The following POSTN variants were observed in gnomAD, a reference collection of about 807,000 sequenced individuals.
The protein encoded by POSTN is osteoblast specific factor 2 (fasciclin I-like).
A neutral mutation model predicts 104.5 loss-of-function variants in POSTN; 71 were observed. The ratio of observed to expected loss-of-function variants is 0.68; its 90% CI spans 0.56 to 0.83. The LOEUF (loss-of-function observed/expected upper bound fraction) is 0.83, where lower values mean the gene tolerates loss of function less well. Ranked by LOEUF, POSTN falls within the 40% of genes least tolerant of loss-of-function variation. POSTN has a pLI of 0.00. For synonymous variants in POSTN, 355 were observed against 340.7 expected, an observed-to-expected ratio of 1.04 and a Z score of -0.46; for missense variants, 949 against 1,006.8, an observed-to-expected ratio of 0.94 and a Z score of 0.78.
chr13:37,594,847 G>T (rs1201679394), intron 2 of POSTN, among the ~76,000 whole-genome samples: 1 of 152,092 alleles, frequency 6.6e-6, no homozygotes, highest in African/African-American at 2.4e-5. Flanking sequence ...CAAGCAGATG[G>T]CAGACCAGTC....
intron 5 of POSTN, among the ~76,000 whole-genome samples, chr13:37,587,557 A>C (rs1950785847): frequency 6.6e-6 from 1 of 152,154 alleles, no homozygotes; most frequent in Admixed American, 6.5e-5. Context: ...TTTCAAACAT[A>C]TCAACTACTA....
chr13:37,577,750 T>A lies in POSTN; in HGVS notation c.2008+3A>T. 6.2e-7 allele frequency: 1 copy of A among 1,612,984 alleles called. No individual in the cohort carries two copies. The highest frequency in any genetic ancestry group is 8.5e-7 in the Non-Finnish European group (1 of 1,179,338). ...AGGTGGCCAATATTTATTATATACT[T>A]ACTATAGACAGTCACGGGGATTTCT... On this transcript the variant is annotated splice_donor_region_variant and intron_variant, in intron 16 of 22. Transcript: ENST00000379747.
intron 5 of POSTN, among the ~76,000 whole-genome samples, chr13:37,587,229 A>C (rs2138332945): frequency 6.6e-6 from 1 of 152,340 alleles, no homozygotes; most frequent in Admixed American, 6.5e-5. Context: ...AAATAGTCAT[A>C]AACTTTTTAA....
At position 37,563,298 on chromosome 13, in the gene POSTN, G is replaced by T. The variant is rs781234034; in HGVS notation, c.*35C>A. ...TTCTAAGGTCAGGTTATTGACTTAG[G>T]GTTGTATAAACATTTTTTTCTGGTT... On this transcript the variant is annotated 3_prime_UTR_variant, in exon 23 of 23. Transcript: ENST00000379747. 6 of 1,505,430 alleles carry T rather than the reference G, an allele frequency of 4.0e-6. No individual in the cohort carries two copies. The African/African-American group carries it at 8.3e-5, about 21-fold the overall frequency. The allele number at this position is 1,505,430 out of a possible 1,614,324, so 93.3% of individuals were successfully genotyped here.
Position 37,564,505 on chromosome 13 carries a change from G to A in POSTN, c.2473+14C>T, listed in dbSNP as rs750225625. Reference sequence around the variant, plus strand: ...GAGGCCATATACACACATTACTATAGCCAATACACTTACCTTGAACTTTTT... The same window carrying A: ...GAGGCCATATACACACATTACTATAACCAATACACTTACCTTGAACTTTTT... On this transcript the variant is annotated intron_variant, in intron 22 of 22. Transcript: ENST00000379747. 6.5e-7 allele frequency: 1 copy of A among 1,526,826 alleles called. No homozygotes were observed. The highest frequency in any genetic ancestry group is 1.1e-5 in the South Asian group (1 of 87,950). 94.6% of individuals were successfully genotyped at this position (1,526,826 alleles called of 1,614,324 possible).
Position 37,562,605 on chromosome 13 carries a change from T to C in POSTN, c.*728A>G, listed in dbSNP as rs1370487539. ...ACTAATTTCATTCAATTTCCTTTAA[T>C]GAGTACTTGTTACAGTAAAAGAGGT... On this transcript the variant is annotated 3_prime_UTR_variant, in exon 23 of 23. Transcript: ENST00000379747. 6.6e-6 allele frequency: 1 copy of C among 152,208 alleles called. No individual in the cohort carries two copies. Among genetic ancestry groups the C allele is most frequent in the Non-Finnish European group, 1.5e-5 (1 of 68,040 alleles). The allele number at this position is 152,208 out of a possible 1,614,324, so 9.4% of individuals were successfully genotyped here.
intron 21 of POSTN, among the ~76,000 whole-genome samples, chr13:37,566,230 G>T (rs905677298): frequency 2.6e-5 from 4 of 152,168 alleles, no homozygotes; most frequent in African/African-American, 9.6e-5. Flanking sequence ...AGCAAAACAT[G>T]GGAAGATAAA....
Position 37,580,697 on chromosome 13 carries a change from C to A in POSTN, c.1393G>T (p.Ala465Ser). 2 of 1,613,916 alleles carry A rather than the reference C, an allele frequency of 1.2e-6. No homozygotes were observed. The highest frequency in any genetic ancestry group is 1.7e-6 in the Non-Finnish European group (2 of 1,179,922). Residue 465 changes from alanine (A) to serine (S), a missense_variant and splice_region_variant, in exon 11 of 23, where the codon GCT becomes TCT. Physicochemically the swap from Ala to Ser is moderately conservative, Grantham distance 99. Transcript: ENST00000379747. Reference sequence around the variant, plus strand: ...ATGCATGAATTTTCAATGCAGACAGCCTAGGAAAGGAAAGAAAGGTATGGG... The same window carrying A: ...ATGCATGAATTTTCAATGCAGACAGACTAGGAAAGGAAAGAAAGGTATGGG... ...KQLRVFVYRT[A>S]VCIENSCMEK...
At chr13:37,578,798 CAA>C (rs60857655) in intron 15 of POSTN, 44 bp downstream of exon 15, 53,158 of 1,099,426 alleles carry the variant, frequency 0.048, 3 homozygotes, top group East Asian at 0.13. Flanking sequence ...GACTCCATCT[CAA>C]AAAAAAAAAA....
intron 7 of POSTN, 49 bp from the exon 8 acceptor site, chr13:37,584,977 A>C: frequency 6.2e-7 from 1 of 1,600,050 alleles, no homozygotes; most frequent in Non-Finnish European, 8.5e-7. Flanking sequence ...GGGAAATAAC[A>C]TTTGACCCTG....
chr13:37,563,170 C>G lies in POSTN; in HGVS notation c.*163G>C, dbSNP rs1949982776. On this transcript the variant is annotated 3_prime_UTR_variant, in exon 23 of 23. Transcript: ENST00000379747. ...TAACTCCACAATTTCCCTCATGTTT[C>G]TCATTCAGAAAAAAAAATATTAAAT... The G allele has an allele frequency of 2.5e-6, 1 of 406,984 alleles. No homozygotes were observed. Among genetic ancestry groups the G allele is most frequent in the Admixed American group, 4.3e-5 (1 of 23,326 alleles). The allele number at this position is 406,984 out of a possible 1,614,324, so 25.2% of individuals were successfully genotyped here. A position where few individuals can be genotyped will look rare whatever the true frequency, so the allele number is the denominator to read the frequency against.
intron 16 of POSTN, among the ~76,000 whole-genome samples, chr13:37,575,367 G>T (rs1047363087): frequency 2.0e-5 from 3 of 151,272 alleles, no homozygotes; most frequent in Admixed American, 2.0e-4. Flanking sequence ...TACTATGTTT[G>T]CTGTTTGGGT....
Position 37,598,741 on chromosome 13 carries a change from T to C in POSTN, c.-15A>G. ...AAGGGAATCATCTTGAGTCTCTCCG[T>C]TGCAGTTAGTCCCCGAAGAGAACTG... is the stretch of plus-strand genomic sequence containing the variant. On this transcript the variant is annotated 5_prime_UTR_variant, in exon 1 of 23. Coordinates refer to ENST00000379747, the MANE Select transcript of POSTN (RefSeq NM_006475.3). 6.2e-7 allele frequency: 1 copy of C among 1,611,542 alleles called. No homozygotes were observed. The highest frequency in any genetic ancestry group is 8.5e-7 in the Non-Finnish European group (1 of 1,178,186).
chr13:37,569,305 T>C lies in POSTN; in HGVS notation c.2426A>G (p.Gln809Arg), dbSNP rs570586387. The change falls in exon 21 of 23, where the codon CAG becomes CGG. Residue 809 changes from glutamine (Q) to arginine (R), a missense_variant. Transcript: ENST00000379747. ...FEDEEIKRLL[Q>R]GDTPVRKLQA... Reference sequence around the variant, plus strand: ...GTTGTTGTCCTTTTACTAACCTCCCTGAAGCAGTCTTTTAATTTCTTCATC... The same window carrying C: ...GTTGTTGTCCTTTTACTAACCTCCCCGAAGCAGTCTTTTAATTTCTTCATC... The C allele has an allele frequency of 1.2e-6, 2 of 1,611,298 alleles. No homozygotes were observed. Among genetic ancestry groups the C allele is most frequent in the East Asian group, 4.5e-5 (2 of 44,758 alleles).
chr13:37,588,950 A>G (rs1007328082), intron 4 of POSTN, among the ~76,000 whole-genome samples: 1 of 152,154 alleles, frequency 6.6e-6, no homozygotes, highest in Non-Finnish European at 1.5e-5. Context: ...ATCACTTTAG[A>G]TGAAACATGA....
chr13:37,588,089 A>C (rs1379716022), intron 4 of POSTN, 103 bp from the exon 5 acceptor site: 1 of 924,942 alleles, frequency 1.1e-6, no homozygotes, highest in Non-Finnish European at 1.7e-6. Flanking sequence ...TCATTTCATT[A>C]TCAGATGGTC....
In POSTN at chr13:37,590,360, A is replaced by G; in HGVS notation, c.441+12T>C. On this transcript the variant is annotated intron_variant, in intron 4 of 22. Transcript: ENST00000379747. The stretch of plus-strand genomic sequence containing the variant: ...GCAAAAAATAAATATATTGATAAAA[A>G]TAATGAATTACAGAATCCAAGTTGT... 1.3e-6 allele frequency: 2 copies of G among 1,511,784 alleles called. No individual in the cohort carries two copies. Among genetic ancestry groups the G allele is most frequent in the South Asian group, 1.3e-5 (1 of 76,592 alleles). 93.6% of individuals were successfully genotyped at this position (1,511,784 alleles called of 1,614,324 possible).
intron 2 of POSTN, among the ~76,000 whole-genome samples, chr13:37,595,435 C>T (rs1422119666): frequency 6.6e-6 from 1 of 152,140 alleles, no homozygotes. Context: ...CAAAAGATAA[C>T]ATCATGTTGA....
intron 4 of POSTN, among the ~76,000 whole-genome samples, chr13:37,589,583 GGAA>G (rs1269326078): frequency 6.6e-6 from 1 of 152,038 alleles, no homozygotes; most frequent in East Asian, 1.9e-4. Context: ...TTTAAGGCAA[GGAA>G]GAAGATGAGT....
Sources: allele counts gnomAD v4.1 joint callset (sites outside exome capture counted in the v4.1 genomes callset), GRCh38; gene constraint gnomAD v4.1.1; transcripts MANE v1.5; gene names NCBI Gene and HGNC (gene_info 2026-07-23, HGNC 2026-07-21).